Variants in CTR9 observed in about 807,000 individuals in gnomAD.
CTR9 encodes the protein CTR9 component of Paf1/RNA polymerase II complex, also known as RNA polymerase-associated protein CTR9 homolog.
Under a neutral mutation model 152.1 loss-of-function variants are expected in CTR9, and 41 were observed. The ratio of observed to expected loss-of-function variants is 0.27; its 90% CI spans 0.21 to 0.35. The LOEUF (loss-of-function observed/expected upper bound fraction) is 0.35. Ranked by LOEUF, CTR9 falls within the 10% of genes least tolerant of loss-of-function variation. CTR9 has a pLI of 1.00. For synonymous variants in CTR9, 476 were observed against 496.2 expected, an observed-to-expected ratio of 0.96 and a Z score of 0.54; for missense variants, 917 against 1,424.4, an observed-to-expected ratio of 0.64 and a Z score of 5.73.
rs111824616 is a variant in CTR9 at position 10,767,157 on chromosome 11, G to A, written c.1687-649G>A. 2 of 152,966 alleles carry A rather than the reference G, an allele frequency of 1.3e-5. No homozygotes were observed. The highest frequency in any genetic ancestry group is 2.4e-5 in the African/African-American group (1 of 41,574). The allele number at this position is 152,966 out of a possible 1,614,324, so 9.5% of individuals were successfully genotyped here. On this transcript the variant is annotated intron_variant, in intron 13 of 24. Transcript: ENST00000361367. This position sits in a 1 kb window ranked among gnomAD's most constrained non-coding sequence, Gnocchi z 4.0. Reference sequence around the variant, plus strand: ...CATGTGGGGGTCTACAACAAGAAGTGTATATTTTCAAACAATTTTTTAATG... The same window carrying A: ...CATGTGGGGGTCTACAACAAGAAGTATATATTTTCAAACAATTTTTTAATG...
rs760130762 is a variant in CTR9, at chr11:10,764,561, C to T, written c.1427C>T (p.Ala476Val). Residue 476 changes from alanine to valine, a missense_variant, in exon 12 of 25, where the codon GCG becomes GTG. Physicochemically the swap from Ala to Val is moderately conservative, Grantham distance 64 (BLOSUM62 0). Around this residue, in one of 9 missense-constraint regions of CTR9, gnomAD observed 133 missense variants for 244.1 expected, o/e 0.54. Transcript: ENST00000361367. ...TCTTTCTCATAGAAATATTTTTTGG[C>T]GTCATTGGACCGTGCAAAAGCAGAA... ...NLGEAKKYFL[A>V]SLDRAKAEAE... 1.2e-5 allele frequency: 19 copies of T among 1,602,922 alleles called. No individual in the cohort carries two copies. In the Admixed American group the frequency reaches 1.7e-4, roughly 14 times the overall value.
rs755665390 is a variant in CTR9 at position 10,751,362 on chromosome 11, A to T, written c.-51A>T. 6.2e-7 allele frequency: 1 copy of T among 1,600,256 alleles called. No individual in the cohort carries two copies. The highest frequency in any genetic ancestry group is 8.6e-7 in the Non-Finnish European group (1 of 1,168,966). On this transcript the variant is annotated 5_prime_UTR_variant, in exon 1 of 25. Coordinates refer to ENST00000361367, the MANE Select transcript of CTR9 (RefSeq NM_014633.5). ...TCTGGATTAGCCTGAAGCGGAGACTACCGGCTGCGGAGCGGCGGGGCGAGA... is the reference window on the plus strand; with the variant it reads ...TCTGGATTAGCCTGAAGCGGAGACTTCCGGCTGCGGAGCGGCGGGGCGAGA...
At position 10,779,464 on chromosome 11, in the gene CTR9, A is replaced by G. The variant is rs781637349; in HGVS notation, c.*359A>G. The G allele has an allele frequency of 2.2e-5, 4 of 180,576 alleles. No homozygotes were observed. In the Admixed American group the frequency reaches 2.2e-4, roughly 10 times the overall value. 11.2% of individuals were successfully genotyped at this position (180,576 alleles called of 1,614,324 possible). A position where few individuals can be genotyped will look rare whatever the true frequency, so the allele number is the denominator to read the frequency against. On this transcript the variant is annotated 3_prime_UTR_variant, in exon 25 of 25. Transcript: ENST00000361367. Reference sequence around the variant, plus strand: ...GCATACTCTTCTGATTTTTATTGCAATCTTTTACCAAGTGGTGCACAAACT... The same window carrying G: ...GCATACTCTTCTGATTTTTATTGCAGTCTTTTACCAAGTGGTGCACAAACT...
chr11:10,775,460 A>G lies in CTR9; in HGVS notation c.2983-61A>G, dbSNP rs866009231. 5.2e-5 allele frequency: 76 copies of G among 1,470,400 alleles called. No individual in the cohort carries two copies. In the Middle Eastern group the frequency reaches 8.7e-4, roughly 17 times the overall value. The allele number at this position is 1,470,400 out of a possible 1,614,324, so 91.1% of individuals were successfully genotyped here. A position where few individuals can be genotyped will look rare whatever the true frequency, so the allele number is the denominator to read the frequency against. ...ATTGTATCATTGTAATGCAAACCCA[A>G]TTTAACAAGATGGCCTAATGTAAGA... On this transcript the variant is annotated intron_variant, in intron 23 of 24. Coordinates refer to ENST00000361367, the MANE Select transcript of CTR9 (RefSeq NM_014633.5).
chr11:10,762,437 C>T (rs1195300112), intron 7 of CTR9, among the ~76,000 whole-genome samples: 2 of 152,140 alleles, frequency 1.3e-5, no homozygotes, highest in African/African-American at 2.4e-5. Context: ...TGAATTTTCA[C>T]CAAGGCTGCA....
chr11:10,752,890 G>T (rs1235553796), intron 2 of CTR9, 120 bp downstream of exon 2: 7 of 722,622 alleles, frequency 9.7e-6, no homozygotes, highest in African/African-American at 3.6e-5. Context: ...CATGTGTATG[G>T]AAGTTAATTG....
chr11:10,774,893 G>T (rs2135384738), intron 22 of CTR9, among the ~76,000 whole-genome samples: 1 of 151,950 alleles, frequency 6.6e-6, no homozygotes, highest in South Asian at 2.1e-4. Context: ...GGAAGGGAAA[G>T]ACGTTGAAGT....
At chr11:10,777,774 T>C (rs1863265833) in intron 24 of CTR9, among the ~76,000 whole-genome samples, 1 of 152,194 alleles carries the variant, frequency 6.6e-6, no homozygotes, top group East Asian at 1.9e-4. Context: ...GTCTTTAATA[T>C]GTATACAGAA....
intron 2 of CTR9, among the ~76,000 whole-genome samples, chr11:10,753,816 A>G (rs1862842470): frequency 6.6e-6 from 1 of 152,098 alleles, no homozygotes; most frequent in Non-Finnish European, 1.5e-5. Context: ...TGGGATATAG[A>G]TTTTTACAGG....
At chr11:10,771,390 G>A (rs1029050520) in intron 18 of CTR9, among the ~76,000 whole-genome samples, 155 bp from the exon 19 acceptor site, 37 of 152,312 alleles carry the variant, frequency 2.4e-4, no homozygotes, top group African/African-American at 8.4e-4. Context: ...CTTGATGAAC[G>A]TGTCTATTAA....
At position 10,772,598 on chromosome 11, in the gene CTR9, G is replaced by C. The variant is rs538577653; in HGVS notation, c.2523G>C (p.Leu841=). Residue 841 remains leucine (L), a synonymous_variant, in exon 20 of 25, where the codon CTG becomes CTC. Coordinates refer to ENST00000361367, the MANE Select transcript of CTR9 (RefSeq NM_014633.5). The part of the protein sequence containing the change: ...ARKQDEEERE[L]RAKQEQEKEL... ...AACAAGATGAAGAAGAGCGGGAGCT[G>C]CGGGCCAAGCAAGAGCAAGAAAAGG... 16 of 1,611,934 alleles carry C rather than the reference G, an allele frequency of 9.9e-6. No homozygotes were observed. The highest frequency in any genetic ancestry group is 1.4e-5 in the Non-Finnish European group (16 of 1,179,010).
In CTR9 at chr11:10,772,506, C is replaced by G. The variant is rs1863159914; in HGVS notation, c.2445-14C>G. On this transcript the variant is annotated splice_polypyrimidine_tract_variant and intron_variant, in intron 19 of 24. Coordinates refer to ENST00000361367, the MANE Select transcript of CTR9 (RefSeq NM_014633.5). ...TAGTTACATTCATGTTTCTCTAAAC[C>G]TGAAATGTTCTAGGCAGTGTTCTGA... is the stretch of plus-strand genomic sequence containing the variant. 7.0e-7 allele frequency: 1 copy of G among 1,424,670 alleles called. No individual in the cohort carries two copies. Among genetic ancestry groups the G allele is most frequent in the East Asian group, 2.6e-5 (1 of 38,332 alleles). 88.3% of individuals were successfully genotyped at this position (1,424,670 alleles called of 1,614,324 possible).
At chr11:10,755,321 A>T in intron 3 of CTR9, 124 bp downstream of exon 3, 1 of 1,157,386 alleles carries the variant, frequency 8.6e-7, no homozygotes, top group Non-Finnish European at 1.2e-6. Context: ...TAGAGTCAAA[A>T]AGAAGAAAGG....
chr11:10,761,550 C>T (rs1862978172), intron 6 of CTR9, among the ~76,000 whole-genome samples: 1 of 151,996 alleles, frequency 6.6e-6, no homozygotes, highest in Non-Finnish European at 1.5e-5. Context: ...GTCAAGGCTG[C>T]AGTGAGCTGT....
In CTR9 at chr11:10,775,600, C is replaced by T. The variant is rs771466625; in HGVS notation, c.3062C>T (p.Ser1021Leu). The T allele has an allele frequency of 2.5e-6, 4 of 1,612,578 alleles. No homozygotes were observed. The highest frequency in any genetic ancestry group is 1.3e-5 in the African/African-American group (1 of 74,878). The change falls in exon 24 of 25, where the codon TCG becomes TTG. Residue 1021 changes from serine (S) to leucine (L), a missense_variant. Physicochemically the swap from Ser to Leu is moderately radical, Grantham distance 145. Coordinates refer to ENST00000361367, the MANE Select transcript of CTR9 (RefSeq NM_014633.5). ...ATAATTTCATCAAGTGATGACTCTT[C>T]GGATGAGGATAAACTTAAAATTGCT... ...KAIISSSDDS[S>L]DEDKLKIADE...
rs746513503 is a variant in CTR9 at position 10,779,033 on chromosome 11, A to G, written c.3450A>G (p.Glu1150=). ...GTTCTGGCCAAGGCTCTGGAAATGA[A>G]TCGGAACCAGAGGGATCCAACAATG... ...NEGSGQGSGN[E]SEPEGSNNEA... is the part of the protein sequence containing the mutation. Residue 1150 remains glutamate, a synonymous_variant, in exon 25 of 25, where the codon GAA becomes GAG. Transcript: ENST00000361367. The G allele has an allele frequency of 3.1e-6, 5 of 1,614,064 alleles. No homozygotes were observed. In the African/African-American group the frequency reaches 5.3e-5, roughly 17 times the overall value.
chr11:10,758,098 A>G (rs78688181), intron 5 of CTR9, among the ~76,000 whole-genome samples: 7,560 of 152,278 alleles, frequency 0.05, 453 homozygotes, highest in East Asian at 0.22. Flanking sequence ...GGAAAGTAGT[A>G]AGAAATGGGG....
chr11:10,777,240 T>G (rs1194988372), intron 24 of CTR9, among the ~76,000 whole-genome samples: 1 of 151,752 alleles, frequency 6.6e-6, no homozygotes, highest in African/African-American at 2.4e-5. Flanking sequence ...AGAACCAGAT[T>G]TGCAGTTCTG....
At chr11:10,772,425 C>A in intron 19 of CTR9, 95 bp from the exon 20 acceptor site, 1 of 1,089,644 alleles carries the variant, frequency 9.2e-7, no homozygotes, top group Non-Finnish European at 1.2e-6. Context: ...AATGGTCCTG[C>A]TTCAGATTTT....
Sources: allele counts gnomAD v4.1 joint callset (sites outside exome capture counted in the v4.1 genomes callset), GRCh38; gene constraint gnomAD v4.1.1; regional missense constraint gnomAD v4.1.1; non-coding constraint Gnocchi (gnomAD v3.1); transcripts MANE v1.5; gene names NCBI Gene and HGNC (gene_info 2026-07-23, HGNC 2026-07-21).